Variants in JPH4 observed in about 807,000 individuals in gnomAD.
The protein encoded by JPH4 is junctophilin-4.
Under a neutral mutation model 57.6 loss-of-function variants are expected in JPH4, and 18 were observed. That is an observed-to-expected ratio of 0.31 (90% CI 0.22 to 0.46). The LOEUF (loss-of-function observed/expected upper bound fraction) is 0.46, where lower values mean the gene tolerates loss of function less well. JPH4 is among the 20% of genes least tolerant of loss of function. The pLI is 1.00. For synonymous variants in JPH4, 425 were observed against 406.6 expected, an observed-to-expected ratio of 1.05 and a Z score of -0.54; for missense variants, 727 against 911.1, an observed-to-expected ratio of 0.80 and a Z score of 2.60.
Position 23,575,649 on chromosome 14 carries a change from C to T in JPH4, c.1151+36G>A. On this transcript the variant is annotated intron_variant, in intron 3 of 5. Coordinates refer to ENST00000356300, the MANE Select transcript of JPH4 (RefSeq NM_001146028.2). The surrounding 1 kb of genome is among the most constrained non-coding windows in gnomAD (Gnocchi z 6.9). ...CCTGGTCCCCAGCGCACCCCCTCCT[C>T]TTAGCCCAGCTTTGGCCTCTGAACT... is the stretch of plus-strand genomic sequence containing the variant. 3 of 1,569,556 alleles carry T rather than the reference C, an allele frequency of 1.9e-6. No homozygotes were observed. Among genetic ancestry groups the T allele is most frequent in the Non-Finnish European group, 2.6e-6 (3 of 1,160,462 alleles).
chr14:23,575,954 G>T lies in JPH4; in HGVS notation c.882C>A (p.Phe294Leu). The change falls in exon 3 of 6, where the codon TTC (phenylalanine) becomes TTA (leucine). Residue 294 changes from phenylalanine to leucine, a missense_variant. This residue lies in a region of JPH4 where 112 missense variants were observed against 199.4 expected (regional missense o/e 0.56). Transcript: ENST00000356300. This position sits in a 1 kb window ranked among gnomAD's most constrained non-coding sequence, Gnocchi z 6.9. ...GEWRADRRSGFGVSQRSNGLR... is the reference protein window; with the variant it reads ...GEWRADRRSGLGVSQRSNGLR... ...GCCCGTTGGAGCGCTGGCTGACGCCGAAGCCGCTGCGCCGATCTGCGCGCC... is the reference window on the plus strand; with the variant it reads ...GCCCGTTGGAGCGCTGGCTGACGCCTAAGCCGCTGCGCCGATCTGCGCGCC... The T allele has an allele frequency of 6.5e-7, 1 of 1,543,722 alleles. No homozygotes were observed.
At position 23,568,386 on chromosome 14, in the gene JPH4, A is replaced by G. The variant is rs904716844; in HGVS notation, c.*1248T>C. The G allele has an allele frequency of 1.0e-6, 1 of 985,838 alleles. No homozygotes were observed. The highest frequency in any genetic ancestry group is 1.2e-6 in the Non-Finnish European group (1 of 829,962). The allele number at this position is 985,838 out of a possible 1,614,324, so 61.1% of individuals were successfully genotyped here. On this transcript the variant is annotated 3_prime_UTR_variant, in exon 6 of 6. Transcript: ENST00000356300. ...CCTCTTCCTAGGGCTTCCTGCTCCC[A>G]GGGGAAAAACTAATACCAGAGAGGG...
chr14:23,568,342 C>T lies in JPH4; in HGVS notation c.*1292G>A. The T allele has an allele frequency of 1.0e-6, 1 of 985,826 alleles. No homozygotes were observed. The highest frequency in any genetic ancestry group is 1.2e-6 in the Non-Finnish European group (1 of 829,938). The allele number at this position is 985,826 out of a possible 1,614,324, so 61.1% of individuals were successfully genotyped here. A position where few individuals can be genotyped will look rare whatever the true frequency, so the allele number is the denominator to read the frequency against. On this transcript the variant is annotated 3_prime_UTR_variant, in exon 6 of 6. Coordinates refer to ENST00000356300, the MANE Select transcript of JPH4 (RefSeq NM_001146028.2). ...CATGCAGGGGAGGGAGGAAAGATCC[C>T]CTGGGGACCCTGCAGTCCCCTCTTC...
Position 23,577,008 on chromosome 14 carries a change from GAAGGCCC to G in JPH4, c.379+60_379+66del. The G allele has an allele frequency of 7.1e-7, 1 of 1,406,092 alleles. No homozygotes were observed. Among genetic ancestry groups the G allele is most frequent in the Non-Finnish European group, 9.2e-7 (1 of 1,085,228 alleles). The allele number at this position is 1,406,092 out of a possible 1,614,324, so 87.1% of individuals were successfully genotyped here. ...GGGCGCAAGGGCGCAAATGGCGGGC[GAAGGCCC>G]AAGGCTGGGGAAGGCGCACGCGGAC... On this transcript the variant is annotated intron_variant, in intron 2 of 5. Transcript: ENST00000356300. The surrounding 1 kb of genome is among the most constrained non-coding windows in gnomAD (Gnocchi z 8.4).
At chr14:23,574,412 T>G (rs1889225745) in intron 3 of JPH4, among the ~76,000 whole-genome samples, 2 of 152,202 alleles carry the variant, frequency 1.3e-5, no homozygotes, top group Admixed American at 1.3e-4. Context: ...CCTCAGGTGA[T>G]CCACCCACCT....
In JPH4 at chr14:23,575,661, T is replaced by C. The variant is rs1403433509; in HGVS notation, c.1151+24A>G. On this transcript the variant is annotated intron_variant, in intron 3 of 5. Transcript: ENST00000356300. The surrounding 1 kb of genome is among the most constrained non-coding windows in gnomAD (Gnocchi z 6.9). ...CGCACCCCCTCCTCTTAGCCCAGCT[T>C]TGGCCTCTGAACTGGACGCCCACCT... is the stretch of plus-strand genomic sequence containing the variant. 1 of 1,583,986 alleles carries C rather than the reference T, an allele frequency of 6.3e-7. No individual in the cohort carries two copies. Among genetic ancestry groups the C allele is most frequent in the Admixed American group, 1.8e-5 (1 of 56,924 alleles).
intron 3 of JPH4, among the ~76,000 whole-genome samples, 194 bp from the exon 4 acceptor site, chr14:23,572,114 C>T (rs1231991713): frequency 6.6e-6 from 1 of 152,126 alleles, no homozygotes. Flanking sequence ...TTGGTTTCCT[C>T]CCCCTGACCT....
Position 23,577,050 on chromosome 14 carries a change from G to A in JPH4, c.379+25C>T. On this transcript the variant is annotated intron_variant, in intron 2 of 5. Coordinates refer to ENST00000356300, the MANE Select transcript of JPH4 (RefSeq NM_001146028.2). The surrounding 1 kb of genome is among the most constrained non-coding windows in gnomAD (Gnocchi z 8.4). ...GAAGGCGCACGCGGACGAGCAGACAGACACTGGTGGGCCGGGCCCCGCACC... is the reference window on the plus strand; with the variant it reads ...GAAGGCGCACGCGGACGAGCAGACAAACACTGGTGGGCCGGGCCCCGCACC... 6.7e-7 allele frequency: 1 copy of A among 1,497,440 alleles called. No homozygotes were observed. 92.8% of individuals were successfully genotyped at this position (1,497,440 alleles called of 1,614,324 possible). A position where few individuals can be genotyped will look rare whatever the true frequency, so the allele number is the denominator to read the frequency against.
In JPH4 at chr14:23,571,226, G is replaced by T. The variant is rs1555363198; in HGVS notation, c.1505C>A (p.Ala502Glu). ...PKAWPEEWGG[A>E]GAQAEELAGY... ...AGCTAGTTCCTCTGCCTGTGCGCCT[G>T]CCCCCCCCCACTCCTCAGGCCAAGC... is the stretch of plus-strand genomic sequence containing the variant. Residue 502 changes from alanine (A) to glutamate (E), a missense_variant, in exon 5 of 6, where the codon GCA (alanine) becomes GAA (glutamate). Transcript: ENST00000356300. This position sits in a 1 kb window ranked among gnomAD's most constrained non-coding sequence, Gnocchi z 4.6. The T allele has an allele frequency of 1.9e-6, 3 of 1,588,856 alleles. No homozygotes were observed. The highest frequency in any genetic ancestry group is 2.6e-6 in the Non-Finnish European group (3 of 1,163,004).
chr14:23,570,753 G>T (rs1454946367), intron 5 of JPH4, among the ~76,000 whole-genome samples, 175 bp downstream of exon 5: 1 of 152,220 alleles, frequency 6.6e-6, no homozygotes, highest in Non-Finnish European at 1.5e-5. Context: ...GGTGTGTAAG[G>T]TTCCTTCCAG....
chr14:23,569,620 G>A lies in JPH4; in HGVS notation c.*14C>T. 6.5e-7 allele frequency: 1 copy of A among 1,548,604 alleles called. No individual in the cohort carries two copies. Among genetic ancestry groups the A allele is most frequent in the Non-Finnish European group, 8.7e-7 (1 of 1,144,100 alleles). On this transcript the variant is annotated 3_prime_UTR_variant, in exon 6 of 6. Coordinates refer to ENST00000356300, the MANE Select transcript of JPH4 (RefSeq NM_001146028.2). The surrounding 1 kb of genome is among the most constrained non-coding windows in gnomAD (Gnocchi z 4.8). ...GGCACGCAACCAAAGCCAGAACCAG[G>A]CCAGGAAGTAGCCTCAGGTGAGGAG... is the stretch of plus-strand genomic sequence containing the variant.
Position 23,571,309 on chromosome 14 carries a change from A to G in JPH4, c.1422T>C (p.Pro474=). 1.3e-6 allele frequency: 2 copies of G among 1,596,726 alleles called. No homozygotes were observed. The highest frequency in any genetic ancestry group is 1.7e-6 in the Non-Finnish European group (2 of 1,172,252). The change falls in exon 5 of 6, where the codon CCT becomes CCC. Residue 474 remains proline (P), a synonymous_variant. Coordinates refer to ENST00000356300, the MANE Select transcript of JPH4 (RefSeq NM_001146028.2). This position sits in a 1 kb window ranked among gnomAD's most constrained non-coding sequence, Gnocchi z 4.6. The part of the protein sequence containing the change: ...PASSRQPWRP[P]ACRSPLPPGG... ...CAGGAGGCAGTGGGCTCCGGCAGGC[A>G]GGGGGTCGCCAGGGTTGGCGGGAGG...
Position 23,572,950 on chromosome 14 carries a change from T to C in JPH4, c.1152-1030A>G, listed in dbSNP as rs1432120341. Reference sequence around the variant, plus strand: ...CTCAGTTTTCTCTTCCCTTTCACCCTCTGCTGTTAATCGTAGATGCCTTGT... The same window carrying C: ...CTCAGTTTTCTCTTCCCTTTCACCCCCTGCTGTTAATCGTAGATGCCTTGT... On this transcript the variant is annotated intron_variant, in intron 3 of 5. Coordinates refer to ENST00000356300, the MANE Select transcript of JPH4 (RefSeq NM_001146028.2). 5.7e-6 allele frequency: 4 copies of C among 702,440 alleles called. No homozygotes were observed. In the South Asian group the frequency reaches 5.9e-5, roughly 10 times the overall value. The allele number at this position is 702,440 out of a possible 1,614,324, so 43.5% of individuals were successfully genotyped here.
chr14:23,572,941 C>T, intron 3 of JPH4: 2 of 702,576 alleles, frequency 2.8e-6, no homozygotes, highest in Non-Finnish European at 2.6e-6. Flanking sequence ...TTTCTCTTCC[C>T]TTTCACCCTC....
chr14:23,570,796 G>A, intron 5 of JPH4, 132 bp downstream of exon 5: 1 of 870,106 alleles, frequency 1.1e-6, no homozygotes, highest in African/African-American at 1.7e-5. Context: ...GAGGTGGGAT[G>A]TGGTCCAAGA....
In JPH4 at chr14:23,571,881, A is replaced by C. The variant is rs1595393673; in HGVS notation, c.1191T>G (p.Ser397Arg). 4 of 1,612,832 alleles carry C rather than the reference A, an allele frequency of 2.5e-6. No homozygotes were observed. The highest frequency in any genetic ancestry group is 3.4e-6 in the Non-Finnish European group (4 of 1,179,896). ...DALLKAVAASSVAEKAVEAAR... is the reference protein window; with the variant it reads ...DALLKAVAASRVAEKAVEAAR... Reference sequence around the variant, plus strand: ...CTGCCTCCACGGCCTTCTCAGCGACACTGCTGGCTGCCACTGCCTTTAGGA... The same window carrying C: ...CTGCCTCCACGGCCTTCTCAGCGACCCTGCTGGCTGCCACTGCCTTTAGGA... Residue 397 changes from serine (S) to arginine (R), a missense_variant, in exon 4 of 6, where the codon AGT becomes AGG. Ser to Arg is a moderately radical substitution (Grantham distance 110). This residue lies in a region of JPH4 where 293 missense variants were observed against 279.8 expected (regional missense o/e 1.05). Coordinates refer to ENST00000356300, the MANE Select transcript of JPH4 (RefSeq NM_001146028.2). This position sits in a 1 kb window ranked among gnomAD's most constrained non-coding sequence, Gnocchi z 4.6.
Position 23,577,343 on chromosome 14 carries a change from G to T in JPH4, c.111C>A (p.Gly37=). The stretch of plus-strand genomic sequence containing the variant: ...CGTGTGCCCAGCAGCCGCTGTACTC[G>T]CCCTGGGCGCCGGGGCCCGTGCACA... ...YGVCTGPGAQ[G]EYSGCWAHGF... Residue 37 remains glycine (G), a synonymous_variant, in exon 2 of 6, where the codon GGC becomes GGA. Transcript: ENST00000356300. The surrounding 1 kb of genome is among the most constrained non-coding windows in gnomAD (Gnocchi z 8.4). 6.6e-7 allele frequency: 1 copy of T among 1,525,018 alleles called. No individual in the cohort carries two copies. Among genetic ancestry groups the T allele is most frequent in the Non-Finnish European group, 8.8e-7 (1 of 1,138,820 alleles). The allele number at this position is 1,525,018 out of a possible 1,614,324, so 94.5% of individuals were successfully genotyped here.
In JPH4 at chr14:23,568,777, G is replaced by T; in HGVS notation, c.*857C>A. 1 of 985,760 alleles carries T rather than the reference G, an allele frequency of 1.0e-6. No individual in the cohort carries two copies. The allele number at this position is 985,760 out of a possible 1,614,324, so 61.1% of individuals were successfully genotyped here. A position where few individuals can be genotyped will look rare whatever the true frequency, so the allele number is the denominator to read the frequency against. On this transcript the variant is annotated 3_prime_UTR_variant, in exon 6 of 6. Transcript: ENST00000356300. Reference sequence around the variant, plus strand: ...TTAGGAATTTAATCAAAGGCCACAAGTGAGTCCAGACCAACCAAATAAACT... The same window carrying T: ...TTAGGAATTTAATCAAAGGCCACAATTGAGTCCAGACCAACCAAATAAACT...
At position 23,571,465 on chromosome 14, in the gene JPH4, G is replaced by T. The variant is rs201139063; in HGVS notation, c.1271-5C>A. ...AGTCCTGCCTGGGTCTGCGGCCTGG[G>T]TAGGGATAGCTGAGAATCAGAGGGG... On this transcript the variant is annotated splice_region_variant and splice_polypyrimidine_tract_variant and intron_variant, in intron 4 of 5. Coordinates refer to ENST00000356300, the MANE Select transcript of JPH4 (RefSeq NM_001146028.2). The surrounding 1 kb of genome is among the most constrained non-coding windows in gnomAD (Gnocchi z 4.6). 2.0e-5 allele frequency: 32 copies of T among 1,598,002 alleles called. No homozygotes were observed. The Admixed American group carries it at 5.4e-4, about 27-fold the overall frequency.
Sources: gnomAD v4.1 joint callset for allele counts (sites outside exome capture counted in the v4.1 genomes callset) on GRCh38, gnomAD v4.1.1 for gene constraint, gnomAD v4.1.1 regional missense constraint, Gnocchi (gnomAD v3.1) non-coding constraint, MANE v1.5 for transcripts, NCBI Gene and HGNC (gene_info 2026-07-23, HGNC 2026-07-21) for gene names.